Variants in DAB1 observed in about 807,000 individuals in gnomAD.
DAB1 encodes the protein disabled homolog 1.
A neutral mutation model predicts 64.6 loss-of-function variants in DAB1; 15 were observed. The ratio of observed to expected loss-of-function variants is 0.23; its 90% CI spans 0.16 to 0.36. DAB1 has a LOEUF of 0.36. Ranked by LOEUF, DAB1 falls within the 10% of genes least tolerant of loss-of-function variation. The probability of loss-of-function intolerance (pLI) is 1.00; values close to 1 mark genes in which losing one functional copy is unlikely to be tolerated. For missense variants in DAB1, 596 were observed against 706.7 expected, an observed-to-expected ratio of 0.84 and a Z score of 1.78; for synonymous variants, 235 against 251.9, an observed-to-expected ratio of 0.93 and a Z score of 0.64.
At chr1:57,223,991 A>G (rs72921341) in intron 2 of DAB1, among the ~76,000 whole-genome samples, 2,291 of 152,254 alleles carry the variant, frequency 0.015, 61 homozygotes, top group African/African-American at 0.052. Flanking sequence ...ATTTTATGTG[A>G]GGTACTCCCC....
chr1:58,385,843 A>C (rs1644428119), intron 3 of DAB1, among the ~76,000 whole-genome samples: 1 of 152,202 alleles, frequency 6.6e-6, no homozygotes, highest in African/African-American at 2.4e-5. Context: ...TTGCTTGTAA[A>C]GCTGCTTGGT....
chr1:57,395,894 C>T (rs561644825), intron 1 of DAB1, among the ~76,000 whole-genome samples: 2 of 152,294 alleles, frequency 1.3e-5, no homozygotes, highest in East Asian at 1.9e-4. Flanking sequence ...TATCAACCTC[C>T]GATTTTACCT....
At chr1:57,125,657 T>C (rs953470879) in intron 4 of DAB1, among the ~76,000 whole-genome samples, 2 of 152,116 alleles carry the variant, frequency 1.3e-5, no homozygotes, top group Non-Finnish European at 2.9e-5. Flanking sequence ...AGATCATCAA[T>C]AAGACCAAAG....
chr1:57,386,739 C>CAT (rs1553175957), intron 1 of DAB1: 11 of 150,012 alleles, frequency 7.3e-5, no homozygotes, highest in African/African-American at 2.0e-4. Context: ...TGTGCGTGTG[C>CAT]GTGTGTGTGT....
At chr1:57,017,662 A>T (rs570121115) in intron 11 of DAB1, among the ~76,000 whole-genome samples, 1 of 152,352 alleles carries the variant, frequency 6.6e-6, no homozygotes, top group East Asian at 1.9e-4. Flanking sequence ...CTTCTGCGGA[A>T]TAAAACAATG....
chr1:57,135,075 C>T (rs1004485986), intron 4 of DAB1, among the ~76,000 whole-genome samples: 1 of 152,100 alleles, frequency 6.6e-6, no homozygotes, highest in Non-Finnish European at 1.5e-5. Flanking sequence ...GCGAGTTACA[C>T]CTAGCTATTT....
At chr1:57,760,748 A>G (rs1335773226) in intron 6 of DAB1, among the ~76,000 whole-genome samples, 2 of 152,044 alleles carry the variant, frequency 1.3e-5, no homozygotes, top group Admixed American at 1.3e-4. Context: ...GGTCTGCTCA[A>G]AATATCTCTC....
intron 7 of DAB1, among the ~76,000 whole-genome samples, chr1:57,525,908 C>T (rs2805847): frequency 1.3e-5 from 2 of 151,288 alleles, no homozygotes; most frequent in Non-Finnish European, 2.9e-5. Context: ...CATGAAAATG[C>T]GAATATATTT....
chr1:58,400,065 G>C (rs1419354359), intron 3 of DAB1, among the ~76,000 whole-genome samples: 5 of 151,888 alleles, frequency 3.3e-5, no homozygotes, highest in African/African-American at 1.2e-4. Context: ...GAATCTTAAA[G>C]GTGAGAGTGC....
intron 5 of DAB1, among the ~76,000 whole-genome samples, chr1:58,047,548 C>T (rs563633434): frequency 1.3e-5 from 2 of 152,200 alleles, no homozygotes; most frequent in African/African-American, 2.4e-5. Context: ...CCCCTTCACT[C>T]CTCTCATTGA....
At chr1:57,304,409 G>C (rs985594527) in intron 1 of DAB1, among the ~76,000 whole-genome samples, 1 of 151,452 alleles carries the variant, frequency 6.6e-6, no homozygotes, top group Non-Finnish European at 1.5e-5. Context: ...ATTTGGGCAG[G>C]GACACAGATC....
rs567714227 is a variant in DAB1, at chr1:57,258,547, A to G, written c.67+32417T>C. 2.0e-5 allele frequency among the ~76,000 whole-genome samples: 3 copies of G among 152,238 alleles called. No homozygotes were observed. The East Asian group carries it at 5.8e-4, about 29-fold the overall frequency. ...CCTTCTCTTGTAACACATCGAGATC[A>G]TGATTTCGATGAGCTTTTCTCCCAA... On this transcript the variant is annotated intron_variant, in intron 2 of 14. Coordinates refer to ENST00000371236, the MANE Select transcript of DAB1 (RefSeq NM_001365792.1).
At chr1:57,967,929 G>T (rs529228226) in intron 5 of DAB1, among the ~76,000 whole-genome samples, 2 of 152,026 alleles carry the variant, frequency 1.3e-5, no homozygotes, top group African/African-American at 4.8e-5. Context: ...TTGCATTTTC[G>T]TATATAAAAC....
At chr1:58,035,980 T>G in intron 5 of DAB1, among the ~76,000 whole-genome samples, 1 of 152,170 alleles carries the variant, frequency 6.6e-6, no homozygotes, top group Non-Finnish European at 1.5e-5. Context: ...ACGGTTGATG[T>G]TAAATAGGAG....
chr1:57,573,008 G>C (rs188811297), intron 7 of DAB1, among the ~76,000 whole-genome samples: 369 of 152,318 alleles, frequency 2.4e-3, no homozygotes, highest in Non-Finnish European at 3.9e-3. Context: ...CTCCAGAATT[G>C]AGGGTTAAAA....
At chr1:58,243,269 A>T (rs575777307) in intron 4 of DAB1, among the ~76,000 whole-genome samples, 11 of 152,282 alleles carry the variant, frequency 7.2e-5, no homozygotes, top group African/African-American at 2.6e-4. Flanking sequence ...TGAAATAAGA[A>T]GCTGTATTCT....
At chr1:57,088,256 A>G (rs957238826) in intron 4 of DAB1, among the ~76,000 whole-genome samples, 7 of 152,204 alleles carry the variant, frequency 4.6e-5, no homozygotes, top group African/African-American at 1.7e-4. Flanking sequence ...TCTTTAGTAG[A>G]GACGGGGTTT....
At chr1:57,153,575 GT>G (rs918918680) in intron 2 of DAB1, among the ~76,000 whole-genome samples, 4 of 151,680 alleles carry the variant, frequency 2.6e-5, no homozygotes, top group Non-Finnish European at 5.9e-5. Flanking sequence ...ATCCATTTTG[GT>G]TTTTTTATTT....
At chr1:57,741,979 G>A (rs879812229) in intron 6 of DAB1, among the ~76,000 whole-genome samples, 6 of 152,174 alleles carry the variant, frequency 3.9e-5, no homozygotes, top group Admixed American at 6.5e-5. Flanking sequence ...CTCCACAGGA[G>A]CACTAATCCT....
Sources: allele counts gnomAD v4.1 joint callset (sites outside exome capture counted in the v4.1 genomes callset), GRCh38; gene constraint gnomAD v4.1.1; transcripts MANE v1.5; gene names NCBI Gene and HGNC (gene_info 2026-07-23, HGNC 2026-07-21).